The following SCHIP1 variants were observed in gnomAD, a reference collection of about 807,000 sequenced individuals.
The protein encoded by SCHIP1 is schwannomin-interacting protein 1.
Under a neutral mutation model 29.7 loss-of-function variants are expected in SCHIP1, and 8 were observed. The ratio of observed to expected loss-of-function variants is 0.27; its 90% confidence interval spans 0.16 to 0.49. The LOEUF (loss-of-function observed/expected upper bound fraction) is 0.49, where lower values mean the gene tolerates loss of function less well. SCHIP1 is among the 20% of genes least tolerant of loss of function. SCHIP1 has a pLI of 0.99. For synonymous variants in SCHIP1, 76 were observed against 94.9 expected, an observed-to-expected ratio of 0.80 and a Z score of 1.16; for missense variants, 193 against 294.6, an observed-to-expected ratio of 0.66 and a Z score of 2.52.
the SCHIP1 span, among the ~76,000 whole-genome samples, chr3:159,584,286 T>G: frequency 6.6e-6 from 1 of 152,218 alleles, no homozygotes; most frequent in African/African-American, 2.4e-5. Context: ...GTCTTTAATC[T>G]TCCCGTCTTG....
the SCHIP1 span, among the ~76,000 whole-genome samples, chr3:159,392,313 T>C: frequency 2.0e-5 from 3 of 152,172 alleles, no homozygotes; most frequent in Non-Finnish European, 4.4e-5. Context: ...CACTCTTTTT[T>C]TCCTTTTATT....
the SCHIP1 span, among the ~76,000 whole-genome samples, chr3:159,680,359 A>C: frequency 2.0e-5 from 3 of 149,982 alleles, no homozygotes; most frequent in South Asian, 2.1e-4. Flanking sequence ...AAATACAAAA[A>C]TTAGCTGGGT....
chr3:159,737,935 T>G, the SCHIP1 span, among the ~76,000 whole-genome samples: 1 of 152,140 alleles, frequency 6.6e-6, no homozygotes, highest in African/African-American at 2.4e-5. Context: ...CACATGATGC[T>G]TTGCCTTGTT....
intron 2 of SCHIP1, among the ~76,000 whole-genome samples, chr3:159,878,544 C>T (rs948145262): frequency 4.6e-5 from 7 of 150,952 alleles, no homozygotes; most frequent in Non-Finnish European, 1.0e-4. Context: ...TTTGGGAGGC[C>T]GAGGCGGGCG....
At chr3:159,273,839 C>T in the SCHIP1 span, 7 of 1,613,368 alleles carry the variant, frequency 4.3e-6, 1 homozygote, top group Middle Eastern at 3.3e-4. Flanking sequence ...GTCCGGGCAG[C>T]GTGTTACAAC....
chr3:159,759,796 C>T, the SCHIP1 span, among the ~76,000 whole-genome samples: 1 of 152,152 alleles, frequency 6.6e-6, no homozygotes, highest in East Asian at 1.9e-4. Flanking sequence ...ACTCTAAATG[C>T]CACGACTTAA....
At chr3:159,790,315 T>C in the SCHIP1 span, among the ~76,000 whole-genome samples, 15 of 152,366 alleles carry the variant, frequency 9.8e-5, no homozygotes, top group Non-Finnish European at 2.2e-4. Context: ...TGAGCAGCAT[T>C]AGAATGTGTT....
chr3:159,595,249 G>T, the SCHIP1 span, among the ~76,000 whole-genome samples: 1 of 152,072 alleles, frequency 6.6e-6, no homozygotes, highest in African/African-American at 2.4e-5. Context: ...AGAGGAACAG[G>T]TATCTATAGC....
the SCHIP1 span, among the ~76,000 whole-genome samples, chr3:159,637,835 T>C: frequency 1.8e-4 from 28 of 152,304 alleles, no homozygotes; most frequent in Admixed American, 7.8e-4. Flanking sequence ...TTACAAGATA[T>C]TTCTATAATA....
chr3:159,413,626 C>T, the SCHIP1 span, among the ~76,000 whole-genome samples: 192 of 152,192 alleles, frequency 1.3e-3, 6 homozygotes, highest in South Asian at 0.036. Flanking sequence ...CTTTTAAAAA[C>T]GTATATAAAC....
the SCHIP1 span, among the ~76,000 whole-genome samples, chr3:159,613,164 T>G: frequency 6.6e-6 from 1 of 152,214 alleles, no homozygotes; most frequent in Non-Finnish European, 1.5e-5. Flanking sequence ...ATTTACTGTA[T>G]AAACCAAGAC....
At chr3:159,682,052 A>G in the SCHIP1 span, among the ~76,000 whole-genome samples, 1 of 152,194 alleles carries the variant, frequency 6.6e-6, no homozygotes, top group Admixed American at 6.5e-5. Context: ...AACAGGTGCT[A>G]TGTGCTATGT....
chr3:159,344,611 G>A, the SCHIP1 span, among the ~76,000 whole-genome samples: 1 of 152,118 alleles, frequency 6.6e-6, no homozygotes, highest in South Asian at 2.1e-4. Flanking sequence ...TACCTGACTA[G>A]TACTTTTCAA....
the SCHIP1 span, among the ~76,000 whole-genome samples, chr3:159,714,971 A>G: frequency 6.6e-6 from 1 of 152,234 alleles, no homozygotes; most frequent in African/African-American, 2.4e-5. Context: ...ACCCCCGAGT[A>G]GCCTAACTGG....
the SCHIP1 span, among the ~76,000 whole-genome samples, chr3:159,545,541 C>T: frequency 6.6e-6 from 1 of 150,980 alleles, no homozygotes; most frequent in Non-Finnish European, 1.5e-5. Flanking sequence ...GGCCTTGTGA[C>T]CATGTGAGTT....
the SCHIP1 span, among the ~76,000 whole-genome samples, chr3:159,729,176 A>T: frequency 6.6e-6 from 1 of 152,122 alleles, no homozygotes; most frequent in African/African-American, 2.4e-5. Flanking sequence ...AAAAAAGAAA[A>T]GAAAAGAAAG....
At chr3:159,340,420 T>C in the SCHIP1 span, among the ~76,000 whole-genome samples, 1 of 152,144 alleles carries the variant, frequency 6.6e-6, no homozygotes, top group East Asian at 1.9e-4. Flanking sequence ...ATATACTACA[T>C]ATAATTATGA....
the SCHIP1 span, among the ~76,000 whole-genome samples, chr3:159,484,518 A>G: frequency 1.7e-3 from 262 of 152,296 alleles, no homozygotes; most frequent in Middle Eastern, 0.014. Context: ...CCAGAATCAG[A>G]ATCAAGTGAG....
chr3:159,634,991 T>C, the SCHIP1 span, among the ~76,000 whole-genome samples: 1 of 152,114 alleles, frequency 6.6e-6, no homozygotes, highest in Non-Finnish European at 1.5e-5. Flanking sequence ...ATGCACACGT[T>C]TTAGTAGCCA....
Sources: allele counts gnomAD v4.1 joint callset (sites outside exome capture counted in the v4.1 genomes callset), GRCh38; gene constraint gnomAD v4.1.1; transcripts MANE v1.5; gene names NCBI Gene and HGNC (gene_info 2026-07-23, HGNC 2026-07-21).